The following OR52E6 variants were observed in gnomAD, a reference collection of about 807,000 sequenced individuals.
OR52E6 encodes olfactory receptor family 52 subfamily E member 6.
For missense variants in OR52E6, 419 were observed against 381.5 expected (o/e 1.10, Z -0.82); for synonymous variants, 173 against 137.3 (o/e 1.26, Z -1.82).
At position 5,841,499 on chromosome 11, in the gene OR52E6, C is replaced by G. The variant is rs372198368; in HGVS notation, c.399G>C (p.Trp133Cys). 1 of 1,613,914 alleles carries G rather than the reference C, an allele frequency of 6.2e-7. No homozygotes were observed. Among genetic ancestry groups the G allele is most frequent in the African/African-American group, 1.3e-5 (1 of 74,886 alleles). ...TTTTGCTGGTGAGGATCATGGTGTA[C>G]CAAAGAGGTTTGCAAATGGCAATGT... ...DRYIAICKPL[W>C]YTMILTSKII... Residue 133 changes from tryptophan to cysteine, a missense_variant, in exon 1 of 1, where the codon TGG (tryptophan) becomes TGC (cysteine). Physicochemically the swap from Trp to Cys is radical, Grantham distance 215. Coordinates refer to ENST00000329322, the MANE Select transcript of OR52E6 (RefSeq NM_001005167.2).
Position 5,841,822 on chromosome 11 carries a change from G to A in OR52E6, c.76C>T (p.His26Tyr), listed in dbSNP as rs1334084374. ...AAAAAAGGGAATCCAATCCAGATGT[G>A]CACATCTTCTAGCCCTGGGATACCC... ...LLGIPGLEDV[H>Y]IWIGFPFFSV... The change falls in exon 1 of 1, where the codon CAC becomes TAC. Residue 26 changes from histidine (H) to tyrosine (Y), a missense_variant. By Grantham distance (83) the His-to-Tyr change is moderately conservative (BLOSUM62 2). Coordinates refer to ENST00000329322, the MANE Select transcript of OR52E6 (RefSeq NM_001005167.2). 25 of 1,613,820 alleles carry A rather than the reference G, an allele frequency of 1.5e-5. No individual in the cohort carries two copies. Among genetic ancestry groups the A allele is most frequent in the Non-Finnish European group, 1.9e-5 (23 of 1,179,836 alleles).
At position 5,841,797 on chromosome 11, in the gene OR52E6, A is replaced by G. The variant is rs752904994; in HGVS notation, c.101T>C (p.Phe34Ser). 5 of 1,613,568 alleles carry G rather than the reference A, an allele frequency of 3.1e-6. No homozygotes were observed. The South Asian group carries it at 3.3e-5, about 11-fold the overall frequency. The stretch of plus-strand genomic sequence containing the variant: ...CAGGAGTGCAATAAGATACACAGAG[A>G]AAAAAGGGAATCCAATCCAGATGTG... ...DVHIWIGFPF[F>S]SVYLIALLGN... Residue 34 changes from phenylalanine (F) to serine (S), a missense_variant, in exon 1 of 1, where the codon TTC becomes TCC. Transcript: ENST00000329322.
rs759016595 is a variant in OR52E6, at chr11:5,841,802, AG to A, written c.95del (p.Pro32LeufsTer19). 1.4e-5 allele frequency: 23 copies of A among 1,613,744 alleles called. No individual in the cohort carries two copies. The highest frequency in any genetic ancestry group is 1.0e-4 in the Admixed American group (6 of 59,988). On this transcript the variant is annotated frameshift_variant, in exon 1 of 1. Coordinates refer to ENST00000329322, the MANE Select transcript of OR52E6 (RefSeq NM_001005167.2). LOFTEE classifies it low-confidence loss of function (END_TRUNC). The stretch of plus-strand genomic sequence containing the variant: ...GTGCAATAAGATACACAGAGAAAAA[AG>A]GGAATCCAATCCAGATGTGCACATC... ...LEDVHIWIGF[P>X]FFSVYLIALL... is the part of the protein sequence containing the mutation.
chr11:5,841,542 G>A lies in OR52E6; in HGVS notation c.356C>T (p.Ala119Val). 1 of 1,614,134 alleles carries A rather than the reference G, an allele frequency of 6.2e-7. No individual in the cohort carries two copies. Reference protein sequence around the residue: ...FTVMESIVLVAMAFDRYIAIC... With the variant: ...FTVMESIVLVVMAFDRYIAIC... ...GGCAATGTAGCGGTCAAAGGCCATG[G>A]CCACCAATACGATGCTCTCCATGAC... Residue 119 changes from alanine to valine, a missense_variant, in exon 1 of 1, where the codon GCC (alanine) becomes GTC (valine). Ala to Val is a moderately conservative substitution (Grantham distance 64). Transcript: ENST00000329322.
Position 5,841,006 on chromosome 11 carries a change from TG to T in OR52E6, c.891del (p.Lys298AsnfsTer8), listed in dbSNP as rs1564979429. The T allele has an allele frequency of 6.2e-7, 1 of 1,603,146 alleles. No homozygotes were observed. The highest frequency in any genetic ancestry group is 2.2e-5 in the East Asian group (1 of 44,772). The part of the protein sequence containing the change: ...TLNPVIYGVR[T>X]KHIRETVLRI... ...CTCAGCACTGTCTCCCTAATATGTTTGGTTCTGACCCCATAGATTACAGGAT... is the reference window on the plus strand; with the variant it reads ...CTCAGCACTGTCTCCCTAATATGTTTGTTCTGACCCCATAGATTACAGGAT... On this transcript the variant is annotated frameshift_variant, in exon 1 of 1. Transcript: ENST00000329322. LOFTEE classifies it low-confidence loss of function (END_TRUNC).
rs371025632 is a variant in OR52E6 at position 5,841,175 on chromosome 11, G to T, written c.723C>A (p.Thr241=). 15 of 1,613,764 alleles carry T rather than the reference G, an allele frequency of 9.3e-6. No homozygotes were observed. Among genetic ancestry groups the T allele is most frequent in the Non-Finnish European group, 1.1e-5 (13 of 1,179,934 alleles). Residue 241 remains threonine, a synonymous_variant, in exon 1 of 1, where the codon ACC becomes ACA. Coordinates refer to ENST00000329322, the MANE Select transcript of OR52E6 (RefSeq NM_001005167.2). The stretch of plus-strand genomic sequence containing the variant: ...AGATAACACCAATGTGAGAGCCACA[G>T]GTGTTGAGAGCTTTGAGTCGAGCTT... ...SWEARLKALN[T]CGSHIGVILA...
Position 5,841,553 on chromosome 11 carries a change from G to A in OR52E6, c.345C>T (p.Ile115=), listed in dbSNP as rs371743507. The A allele has an allele frequency of 2.7e-5, 44 of 1,614,024 alleles. No homozygotes were observed. The highest frequency in any genetic ancestry group is 2.5e-4 in the East Asian group (11 of 44,890). The part of the protein sequence containing the change: ...FIHFFTVMES[I]VLVAMAFDRY... ...GGTCAAAGGCCATGGCCACCAATAC[G>A]ATGCTCTCCATGACAGTGAAGAAAT... The change falls in exon 1 of 1, where the codon ATC becomes ATT. Residue 115 remains isoleucine (I), a synonymous_variant. Transcript: ENST00000329322.
chr11:5,841,482 G>T lies in OR52E6; in HGVS notation c.416C>A (p.Thr139Asn). ...CKPLWYTMIL[T>N]SKIISLIAGI... The stretch of plus-strand genomic sequence containing the variant: ...TGCAATGAGGCTGATGATTTTGCTG[G>T]TGAGGATCATGGTGTACCAAAGAGG... The change falls in exon 1 of 1, where the codon ACC becomes AAC. Residue 139 changes from threonine to asparagine, a missense_variant. Coordinates refer to ENST00000329322, the MANE Select transcript of OR52E6 (RefSeq NM_001005167.2). The T allele has an allele frequency of 6.2e-7, 1 of 1,614,134 alleles. No homozygotes were observed. The highest frequency in any genetic ancestry group is 1.7e-5 in the Admixed American group (1 of 60,014).
chr11:5,840,929 A>G lies in OR52E6; in HGVS notation c.*27T>C, dbSNP rs138109008. The G allele has an allele frequency of 3.1e-4, 455 of 1,469,038 alleles. 2 individuals are homozygous for G. The African/African-American group carries it at 5.5e-3, about 18-fold the overall frequency. The allele number at this position is 1,469,038 out of a possible 1,614,324, so 91.0% of individuals were successfully genotyped here. A position where few individuals can be genotyped will look rare whatever the true frequency, so the allele number is the denominator to read the frequency against. ...TAGTGGCTGCTTCATCATGAATGCT[A>G]AGAGAGACCCTCCAAACTCCAACTG... On this transcript the variant is annotated 3_prime_UTR_variant, in exon 1 of 1. Transcript: ENST00000329322.
chr11:5,841,528 G>A lies in OR52E6; in HGVS notation c.370C>T (p.Arg124Cys), dbSNP rs61737712. Residue 124 changes from arginine (R) to cysteine (C), a missense_variant, in exon 1 of 1, where the codon CGC becomes TGC. Physicochemically the swap from Arg to Cys is radical, Grantham distance 180. Coordinates refer to ENST00000329322, the MANE Select transcript of OR52E6 (RefSeq NM_001005167.2). The stretch of plus-strand genomic sequence containing the variant: ...AGAGGTTTGCAAATGGCAATGTAGC[G>A]GTCAAAGGCCATGGCCACCAATACG... ...SIVLVAMAFD[R>C]YIAICKPLWY... is the part of the protein sequence containing the mutation. The A allele has an allele frequency of 9.5e-4, 1,541 of 1,614,102 alleles. 15 individuals are homozygous for A. In the African/African-American group the frequency reaches 0.013, roughly 14 times the overall value.
rs751562284 is a variant in OR52E6 at position 5,840,959 on chromosome 11, G to C, written c.939C>G (p.His313Gln). The C allele has an allele frequency of 6.5e-7, 1 of 1,541,892 alleles. No individual in the cohort carries two copies. Among genetic ancestry groups the C allele is most frequent in the Non-Finnish European group, 8.7e-7 (1 of 1,145,098 alleles). Residue 313 changes from histidine to glutamine, a missense_variant, in exon 1 of 1, where the codon CAC (histidine) becomes CAG (glutamine). His to Gln is a conservative substitution (Grantham distance 24, BLOSUM62 0). Coordinates refer to ENST00000329322, the MANE Select transcript of OR52E6 (RefSeq NM_001005167.2). ...AGACCCTCCAAACTCCAACTGGTTAGTGATCTGTCTTGAAGAAAATCCTCA... is the reference window on the plus strand; with the variant it reads ...AGACCCTCCAAACTCCAACTGGTTACTGATCTGTCTTGAAGAAAATCCTCA... ...TVLRIFFKTD[H>Q]
In OR52E6 at chr11:5,841,069, A is replaced by T; in HGVS notation, c.829T>A (p.Leu277Met). ...GGAACAACCACATATAGATTAGCCA[A>T]GAAAATGTGGATATATTGGGGAATA... ...HDIPQYIHIF[L>M]ANLYVVVPPT... The change falls in exon 1 of 1, where the codon TTG becomes ATG. Residue 277 changes from leucine to methionine, a missense_variant. Transcript: ENST00000329322. 2 of 1,613,934 alleles carry T rather than the reference A, an allele frequency of 1.2e-6. No individual in the cohort carries two copies. The highest frequency in any genetic ancestry group is 1.7e-6 in the Non-Finnish European group (2 of 1,179,882).
chr11:5,841,211 C>T lies in OR52E6; in HGVS notation c.687G>A (p.Leu229=), dbSNP rs1402079161. 6.2e-7 allele frequency: 1 copy of T among 1,613,870 alleles called. No homozygotes were observed. ...HIRILYAVFC[L]PSWEARLKAL... ...CTTTGAGTCGAGCTTCCCAGGAGGGCAGGCAGAAGACAGCATAGAGGATCC... is the reference window on the plus strand; with the variant it reads ...CTTTGAGTCGAGCTTCCCAGGAGGGTAGGCAGAAGACAGCATAGAGGATCC... Residue 229 remains leucine, a synonymous_variant, in exon 1 of 1, where the codon CTG becomes CTA. Transcript: ENST00000329322.
At position 5,840,933 on chromosome 11, in the gene OR52E6, G is replaced by A; in HGVS notation, c.*23C>T. On this transcript the variant is annotated 3_prime_UTR_variant, in exon 1 of 1. Coordinates refer to ENST00000329322, the MANE Select transcript of OR52E6 (RefSeq NM_001005167.2). Reference sequence around the variant, plus strand: ...GGCTGCTTCATCATGAATGCTAAGAGAGACCCTCCAAACTCCAACTGGTTA... The same window carrying A: ...GGCTGCTTCATCATGAATGCTAAGAAAGACCCTCCAAACTCCAACTGGTTA... 6.8e-7 allele frequency: 1 copy of A among 1,481,226 alleles called. No individual in the cohort carries two copies. Among genetic ancestry groups the A allele is most frequent in the Non-Finnish European group, 9.1e-7 (1 of 1,100,830 alleles). The allele number at this position is 1,481,226 out of a possible 1,614,324, so 91.8% of individuals were successfully genotyped here. A position where few individuals can be genotyped will look rare whatever the true frequency, so the allele number is the denominator to read the frequency against.
At position 5,840,991 on chromosome 11, in the gene OR52E6, T is replaced by C. The variant is rs774993472; in HGVS notation, c.907A>G (p.Thr303Ala). 4 of 1,589,008 alleles carry C rather than the reference T, an allele frequency of 2.5e-6. No individual in the cohort carries two copies. Among genetic ancestry groups the C allele is most frequent in the Non-Finnish European group, 3.4e-6 (4 of 1,168,588 alleles). Residue 303 changes from threonine to alanine, a missense_variant, in exon 1 of 1, where the codon ACA becomes GCA. Thr to Ala is a moderately conservative substitution (Grantham distance 58). Coordinates refer to ENST00000329322, the MANE Select transcript of OR52E6 (RefSeq NM_001005167.2). ...GTCTTGAAGAAAATCCTCAGCACTGTCTCCCTAATATGTTTGGTTCTGACC... is the reference window on the plus strand; with the variant it reads ...GTCTTGAAGAAAATCCTCAGCACTGCCTCCCTAATATGTTTGGTTCTGACC... ...YGVRTKHIRE[T>A]VLRIFFKTDH
At position 5,841,462 on chromosome 11, in the gene OR52E6, T is replaced by G. The variant is rs1452897914; in HGVS notation, c.436A>C (p.Ile146Leu). 6.2e-7 allele frequency: 1 copy of G among 1,614,106 alleles called. No homozygotes were observed. The highest frequency in any genetic ancestry group is 2.2e-5 in the East Asian group (1 of 44,860). The part of the protein sequence containing the change: ...MILTSKIISL[I>L]AGIAVLRSLY... The stretch of plus-strand genomic sequence containing the variant: ...CTCCTCAGGACAGCAATGCCTGCAA[T>G]GAGGCTGATGATTTTGCTGGTGAGG... The change falls in exon 1 of 1, where the codon ATT becomes CTT. Residue 146 changes from isoleucine (I) to leucine (L), a missense_variant. Physicochemically the swap from Ile to Leu is conservative, Grantham distance 5. Transcript: ENST00000329322.
At position 5,841,018 on chromosome 11, in the gene OR52E6, C is replaced by T. The variant is rs953565204; in HGVS notation, c.880G>A (p.Gly294Arg). The change falls in exon 1 of 1, where the codon GGG becomes AGG. Residue 294 changes from glycine (G) to arginine (R), a missense_variant. Gly to Arg is a moderately radical substitution (Grantham distance 125). Transcript: ENST00000329322. Reference sequence around the variant, plus strand: ...TCCCTAATATGTTTGGTTCTGACCCCATAGATTACAGGATTGAGGGTGGGA... The same window carrying T: ...TCCCTAATATGTTTGGTTCTGACCCTATAGATTACAGGATTGAGGGTGGGA... Reference protein sequence around the residue: ...VPPTLNPVIYGVRTKHIRETV... With the variant: ...VPPTLNPVIYRVRTKHIRETV... 1 of 1,610,534 alleles carries T rather than the reference C, an allele frequency of 6.2e-7. No individual in the cohort carries two copies. Among genetic ancestry groups the T allele is most frequent in the Non-Finnish European group, 8.5e-7 (1 of 1,178,520 alleles).
At position 5,841,651 on chromosome 11, in the gene OR52E6, T is replaced by A; in HGVS notation, c.247A>T (p.Met83Leu). Reference protein sequence around the residue: ...LSLSTATIPKMLGIFWFNIKE... With the variant: ...LSLSTATIPKLLGIFWFNIKE... ...ATATTGAACCAGAAGATGCCCAGCA[T>A]TTTGGGAATGGTGGCCGTAGACAAG... Residue 83 changes from methionine (M) to leucine (L), a missense_variant, in exon 1 of 1, where the codon ATG becomes TTG. Met to Leu is a conservative substitution (Grantham distance 15). Transcript: ENST00000329322. 1 of 1,614,066 alleles carries A rather than the reference T, an allele frequency of 6.2e-7. No homozygotes were observed. The highest frequency in any genetic ancestry group is 2.2e-5 in the East Asian group (1 of 44,870).
rs755175527 is a variant in OR52E6, at chr11:5,840,961, G to A, written c.937C>T (p.His313Tyr). 1.9e-6 allele frequency: 3 copies of A among 1,547,006 alleles called. No homozygotes were observed. Among genetic ancestry groups the A allele is most frequent in the Admixed American group, 4.0e-5 (2 of 50,280 alleles). Residue 313 changes from histidine (H) to tyrosine (Y), a missense_variant, in exon 1 of 1, where the codon CAC becomes TAC. Physicochemically the swap from His to Tyr is moderately conservative, Grantham distance 83. Transcript: ENST00000329322. ...ACCCTCCAAACTCCAACTGGTTAGT[G>A]ATCTGTCTTGAAGAAAATCCTCAGC... ...TVLRIFFKTD[H>Y]
Sources: gnomAD v4.1 joint callset for allele counts on GRCh38, gnomAD v4.1.1 for gene constraint, MANE v1.5 for transcripts, NCBI Gene and HGNC (gene_info 2026-07-23, HGNC 2026-07-21) for gene names.